The following NAALADL2 variants were observed in gnomAD, a reference collection of about 807,000 sequenced individuals.
NAALADL2 encodes N-acetylated alpha-linked acidic dipeptidase like 2.
Under a neutral mutation model 87.2 loss-of-function variants are expected in NAALADL2, and 76 were observed. The ratio of observed to expected loss-of-function variants is 0.87; its 90% CI spans 0.72 to 1.05. NAALADL2 has a LOEUF of 1.05. Among genes scored for constraint, NAALADL2 ranks in the 50% least tolerant of loss-of-function variants. The pLI, the probability that NAALADL2 is intolerant of heterozygous loss-of-function variation, is 0.00. For synonymous variants in NAALADL2, 354 were observed against 331.0 expected, an observed-to-expected ratio of 1.07 and a Z score of -0.75; for missense variants, 1,089 against 945.8, an observed-to-expected ratio of 1.15 and a Z score of -1.99.
chr3:174,881,069 A>G (rs924162688), intron 1 of NAALADL2, among the ~76,000 whole-genome samples: 1 of 152,106 alleles, frequency 6.6e-6, no homozygotes, highest in South Asian at 2.1e-4. Flanking sequence ...CAGAACCCAC[A>G]CTAAATCCAA....
chr3:174,999,102 G>A (rs1199590161), intron 1 of NAALADL2, among the ~76,000 whole-genome samples: 1 of 152,092 alleles, frequency 6.6e-6, no homozygotes, highest in Non-Finnish European at 1.5e-5. Flanking sequence ...TGGTTTTCCA[G>A]TATTTAGGGG....
intron 2 of NAALADL2, among the ~76,000 whole-genome samples, chr3:174,721,665 C>G (rs1578679475): frequency 6.6e-6 from 1 of 152,190 alleles, no homozygotes; most frequent in East Asian, 1.9e-4. Flanking sequence ...AATGTGTCTA[C>G]CAGAGTTCCA....
chr3:175,701,978 A>G (rs944295425), intron 11 of NAALADL2, among the ~76,000 whole-genome samples: 3 of 152,192 alleles, frequency 2.0e-5, no homozygotes, highest in African/African-American at 7.2e-5. Flanking sequence ...AATTTCCTGA[A>G]TAATGAACTT....
intron 11 of NAALADL2, among the ~76,000 whole-genome samples, chr3:175,700,177 T>C (rs1020675111): frequency 1.3e-5 from 2 of 152,174 alleles, no homozygotes; most frequent in Non-Finnish European, 2.9e-5. Flanking sequence ...ATTGTGTTTA[T>C]GCAAACTTAT....
chr3:175,602,964 C>CT (rs1481283529), intron 10 of NAALADL2, among the ~76,000 whole-genome samples: 1 of 152,256 alleles, frequency 6.6e-6, no homozygotes, highest in East Asian at 1.9e-4. Flanking sequence ...CCCTATATAA[C>CT]TTTTTTCTTG....
chr3:175,711,590 G>A (rs1490285522), intron 11 of NAALADL2, among the ~76,000 whole-genome samples: 1 of 151,830 alleles, frequency 6.6e-6, no homozygotes, highest in Non-Finnish European at 1.5e-5. Flanking sequence ...AAATTAGTGT[G>A]CATCTCATAT....
intron 1 of NAALADL2, among the ~76,000 whole-genome samples, chr3:175,045,108 T>C (rs1754516126): frequency 6.6e-6 from 1 of 152,114 alleles, no homozygotes; most frequent in South Asian, 2.1e-4. Flanking sequence ...ACTCTAATAG[T>C]TGTTGGATTA....
intron 2 of NAALADL2, among the ~76,000 whole-genome samples, chr3:175,152,923 A>T (rs1477362012): frequency 2.0e-5 from 3 of 152,000 alleles, no homozygotes; most frequent in Non-Finnish European, 4.4e-5. Flanking sequence ...AAGAAAAAAA[A>T]ATTCTAATGT....
chr3:174,711,090 C>G (rs1730581020), intron 2 of NAALADL2, among the ~76,000 whole-genome samples: 3 of 152,118 alleles, frequency 2.0e-5, no homozygotes, highest in Admixed American at 2.0e-4. Context: ...GTCTATGTCC[C>G]CATGTTTTCC....
chr3:175,627,744 C>T (rs1727191116), intron 11 of NAALADL2, among the ~76,000 whole-genome samples: 1 of 151,588 alleles, frequency 6.6e-6, no homozygotes, highest in African/African-American at 2.4e-5. Flanking sequence ...AACTAGGTGA[C>T]ATATGGAGAG....
At chr3:175,151,361 G>T (rs1731517456) in intron 2 of NAALADL2, among the ~76,000 whole-genome samples, 1 of 152,154 alleles carries the variant, frequency 6.6e-6, no homozygotes, top group Non-Finnish European at 1.5e-5. Flanking sequence ...TGGTCTGTTG[G>T]TTACACTGAA....
At chr3:174,471,994 A>G (rs1716937596) in intron 1 of NAALADL2, among the ~76,000 whole-genome samples, 1 of 152,162 alleles carries the variant, frequency 6.6e-6, no homozygotes, top group South Asian at 2.1e-4. Flanking sequence ...TTTTAAAAGA[A>G]TGTGTTCTAC....
intron 12 of NAALADL2, among the ~76,000 whole-genome samples, chr3:175,750,595 A>T (rs573547421): frequency 3.2e-4 from 49 of 152,286 alleles, no homozygotes; most frequent in South Asian, 1.0e-3. Context: ...TAATGTTTAA[A>T]AATGGAACAC....
At chr3:175,108,630 T>C (rs1351695459) in intron 2 of NAALADL2, among the ~76,000 whole-genome samples, 1 of 152,006 alleles carries the variant, frequency 6.6e-6, no homozygotes, top group East Asian at 1.9e-4. Flanking sequence ...TGTACCAATA[T>C]TGTATTTCAA....
chr3:175,215,097 CCATAA>C (rs1742319384), intron 2 of NAALADL2, among the ~76,000 whole-genome samples: 1 of 152,002 alleles, frequency 6.6e-6, no homozygotes, highest in Admixed American at 6.6e-5. Context: ...AGTAAAATCA[CCATAA>C]CAACTTCTGA....
intron 2 of NAALADL2, among the ~76,000 whole-genome samples, chr3:174,675,013 A>G (rs1407738558): frequency 6.6e-6 from 1 of 152,048 alleles, no homozygotes; most frequent in South Asian, 2.1e-4. Context: ...GAACGCCACT[A>G]GTTTTCAAGA....
intron 2 of NAALADL2, among the ~76,000 whole-genome samples, chr3:174,591,930 G>A (rs1313565306): frequency 6.6e-6 from 1 of 152,042 alleles, no homozygotes; most frequent in Admixed American, 6.6e-5. Flanking sequence ...TCTGACATAG[G>A]TCTGTGTATT....
intron 11 of NAALADL2, among the ~76,000 whole-genome samples, chr3:175,731,696 G>A (rs1743776521): frequency 6.6e-6 from 1 of 152,114 alleles, no homozygotes; most frequent in Admixed American, 6.6e-5. Context: ...TCCGTTGTGG[G>A]CCAGGTGTTT....
At chr3:174,751,856 GTA>G (rs918540558) in intron 3 of NAALADL2, among the ~76,000 whole-genome samples, 2 of 123,572 alleles carry the variant, frequency 1.6e-5, no homozygotes, top group Middle Eastern at 3.9e-3. Flanking sequence ...GATTATGTAT[GTA>G]TGTGTGTGTG....
Sources: gnomAD v4.1 joint callset for allele counts (sites outside exome capture counted in the v4.1 genomes callset) on GRCh38, gnomAD v4.1.1 for gene constraint, MANE v1.5 for transcripts, NCBI Gene and HGNC (gene_info 2026-07-23, HGNC 2026-07-21) for gene names.